The following MRPL42 variants were observed in gnomAD, a reference collection of about 807,000 sequenced individuals.
MRPL42 encodes the protein mitochondrial ribosomal protein L42.
MRPL42 carries 17 observed loss-of-function variants against 17.9 expected under a neutral mutation model. That is an observed-to-expected ratio of 0.95 (90% CI 0.65 to 1.42). MRPL42 has a LOEUF of 1.42. Ranked by LOEUF, MRPL42 falls within the 40% of genes most tolerant of loss-of-function variation. The pLI is 0.00. For synonymous variants in MRPL42, 59 were observed against 54.4 expected (o/e 1.08, Z -0.37); for missense variants, 177 against 175.2 (o/e 1.01, Z -0.06).
intron 2 of MRPL42, among the ~76,000 whole-genome samples, chr12:93,474,124 T>C (rs1398024701): frequency 6.7e-6 from 1 of 150,070 alleles, no homozygotes; most frequent in Non-Finnish European, 1.5e-5. Context: ...GAAATTTTAC[T>C]GAGTTTCTTG....
chr12:93,469,509 T>G (rs771949476), intron 2 of MRPL42, among the ~76,000 whole-genome samples, 154 bp downstream of exon 2: 17 of 152,022 alleles, frequency 1.1e-4, no homozygotes, highest in South Asian at 2.1e-4. Flanking sequence ...AGAAGGGGAA[T>G]GGATAGGTCA....
intron 4 of MRPL42, among the ~76,000 whole-genome samples, chr12:93,485,005 T>TATATACACAC (rs1555201421): frequency 2.0e-5 from 1 of 49,708 alleles, no homozygotes; most frequent in African/African-American, 9.6e-5. Flanking sequence ...TATATATATA[T>TATATACACAC]ATATATATAT....
At chr12:93,469,415 T>TA (rs1471449135) in intron 2 of MRPL42, 60 bp downstream of exon 2, 41 of 1,298,964 alleles carry the variant, frequency 3.2e-5, no homozygotes, top group Non-Finnish European at 4.0e-5. Context: ...TAAGAAAATT[T>TA]AAAGCATTTA....
chr12:93,479,032 A>G (rs1052366230), intron 3 of MRPL42, among the ~76,000 whole-genome samples: 23 of 150,960 alleles, frequency 1.5e-4, no homozygotes, highest in Middle Eastern at 3.4e-3. Context: ...CCTGGGTTCA[A>G]GTGATTCTCC....
chr12:93,509,694 GC>G lies in MRPL42; in HGVS notation c.*8474del, dbSNP rs755224455. 33 of 151,704 alleles carry G rather than the reference GC, an allele frequency of 2.2e-4. No individual in the cohort carries two copies. The highest frequency in any genetic ancestry group is 4.4e-4 in the Non-Finnish European group (30 of 67,986). The allele number at this position is 151,704 out of a possible 1,614,324, so 9.4% of individuals were successfully genotyped here. ...AAGTGGAGCAGGTCAAAACTCCTGT[GC>G]TGATCAGTAGTGGGATCACACCTGT... is the stretch of plus-strand genomic sequence containing the variant. On this transcript the variant is annotated 3_prime_UTR_variant, in exon 6 of 6. Coordinates refer to ENST00000549982, the MANE Select transcript of MRPL42 (RefSeq NM_014050.4).
rs1334962952 is a variant in MRPL42, at chr12:93,502,029, G to C, written c.*808G>C. ...TTACCCAAACAAGTGGGAGAGCCAG[G>C]AGCCAAACTATCAGGCTCCAAAGCT... On this transcript the variant is annotated 3_prime_UTR_variant, in exon 6 of 6. Transcript: ENST00000549982. 6.6e-6 allele frequency: 1 copy of C among 152,152 alleles called. No individual in the cohort carries two copies. The highest frequency in any genetic ancestry group is 1.5e-5 in the Non-Finnish European group (1 of 68,024). The allele number at this position is 152,152 out of a possible 1,614,324, so 9.4% of individuals were successfully genotyped here. A position where few individuals can be genotyped will look rare whatever the true frequency, so the allele number is the denominator to read the frequency against.
Position 93,507,455 on chromosome 12 carries a change from A to G in MRPL42, c.*6234A>G, listed in dbSNP as rs1953682927. The G allele has an allele frequency of 6.6e-6, 1 of 152,234 alleles. No homozygotes were observed. The highest frequency in any genetic ancestry group is 2.1e-4 in the South Asian group (1 of 4,836). The allele number at this position is 152,234 out of a possible 1,614,324, so 9.4% of individuals were successfully genotyped here. ...TTAAGGATTTAATAACTTGCTTATAAGTGTTTAAAATGACTTAATGGGTTC... is the reference window on the plus strand; with the variant it reads ...TTAAGGATTTAATAACTTGCTTATAGGTGTTTAAAATGACTTAATGGGTTC... On this transcript the variant is annotated 3_prime_UTR_variant, in exon 6 of 6. Coordinates refer to ENST00000549982, the MANE Select transcript of MRPL42 (RefSeq NM_014050.4).
chr12:93,468,798 A>G (rs1212109644), intron 1 of MRPL42, among the ~76,000 whole-genome samples: 4 of 152,158 alleles, frequency 2.6e-5, no homozygotes, highest in Non-Finnish European at 5.9e-5. Flanking sequence ...TAGTACTGTA[A>G]ATGATGTAGT....
chr12:93,470,724 T>C, intron 2 of MRPL42: 1 of 274,824 alleles, frequency 3.6e-6, no homozygotes, highest in Non-Finnish European at 6.3e-6. Flanking sequence ...TATTTGGCTG[T>C]TTTTGCATTA....
chr12:93,476,735 C>T (rs756299683), intron 2 of MRPL42, among the ~76,000 whole-genome samples: 5 of 152,164 alleles, frequency 3.3e-5, no homozygotes, highest in Non-Finnish European at 7.3e-5. Context: ...AGTGCTTATC[C>T]TCTATGTTGT....
chr12:93,496,607 T>A, intron 5 of MRPL42, among the ~76,000 whole-genome samples: 1 of 141,420 alleles, frequency 7.1e-6, no homozygotes, highest in Admixed American at 7.4e-5. Context: ...AATAGCTTGA[T>A]GTTGAAATGA....
rs1473802274 is a variant in MRPL42, at chr12:93,490,084, T to C, written c.383+2424T>C. 1.3e-5 allele frequency among the ~76,000 whole-genome samples: 2 copies of C among 152,228 alleles called. 1 individual carries two copies. Among genetic ancestry groups the C allele is most frequent in the Admixed American group, 1.3e-4 (2 of 15,282 alleles). Reference sequence around the variant, plus strand: ...AACCTTGTTTCAACTTCTTCTGTAATGGCTTTCAGTACCTGTTTCTTTCCT... The same window carrying C: ...AACCTTGTTTCAACTTCTTCTGTAACGGCTTTCAGTACCTGTTTCTTTCCT... On this transcript the variant is annotated intron_variant, in intron 5 of 5. Coordinates refer to ENST00000549982, the MANE Select transcript of MRPL42 (RefSeq NM_014050.4).
At position 93,479,456 on chromosome 12, in the gene MRPL42, C is replaced by G; in HGVS notation, c.203C>G (p.Pro68Arg). The change falls in exon 4 of 6, where the codon CCA becomes CGA. Residue 68 changes from proline to arginine, a missense_variant. By Grantham distance (103) the Pro-to-Arg change is moderately radical. Coordinates refer to ENST00000549982, the MANE Select transcript of MRPL42 (RefSeq NM_014050.4). ...IVCYHPSVDIPYEHTKPIPRP... is the reference protein window; with the variant it reads ...IVCYHPSVDIRYEHTKPIPRP... ...TGCTACCACCCTTCTGTGGACATTC[C>G]ATATGAACACACAAAAGTATGTATG... 1 of 1,605,848 alleles carries G rather than the reference C, an allele frequency of 6.2e-7. No homozygotes were observed.
At position 93,505,480 on chromosome 12, in the gene MRPL42, GCTT is replaced by G. The variant is rs1389793484; in HGVS notation, c.*4264_*4266del. The G allele has an allele frequency of 8.7e-6, 1 of 115,286 alleles. No homozygotes were observed. The highest frequency in any genetic ancestry group is 1.9e-5 in the Non-Finnish European group (1 of 52,570). 7.1% of individuals were successfully genotyped at this position (115,286 alleles called of 1,614,324 possible). A position where few individuals can be genotyped will look rare whatever the true frequency, so the allele number is the denominator to read the frequency against. ...TCCTTTGCTTTTAGGCAAAGGGAAT[GCTT>G]CTTCAGATTTTTTTTTTTCCCCAGA... is the stretch of plus-strand genomic sequence containing the variant. On this transcript the variant is annotated 3_prime_UTR_variant, in exon 6 of 6. Transcript: ENST00000549982.
At position 93,501,204 on chromosome 12, in the gene MRPL42, C is replaced by A. The variant is rs763030799; in HGVS notation, c.412C>A (p.Pro138Thr). ...TCACAGATGTCGTAAGAATCTGAAT[C>A]CTCCAAAAGACAGATGATGCGGAGG... ...RYHRCRKNLNPPKDR is the reference protein window; with the variant it reads ...RYHRCRKNLNTPKDR The change falls in exon 6 of 6, where the codon CCT becomes ACT. Residue 138 changes from proline (P) to threonine (T), a missense_variant. Transcript: ENST00000549982. 1 of 1,601,432 alleles carries A rather than the reference C, an allele frequency of 6.2e-7. No individual in the cohort carries two copies.
At chr12:93,499,060 A>G (rs945758886) in intron 5 of MRPL42, among the ~76,000 whole-genome samples, 2 of 32,750 alleles carry the variant, frequency 6.1e-5, no homozygotes, top group Non-Finnish European at 1.4e-4. Flanking sequence ...AAGTGTAACA[A>G]TATAACTTGG....
intron 3 of MRPL42, among the ~76,000 whole-genome samples, chr12:93,477,516 T>C (rs1378985096): frequency 6.6e-6 from 1 of 152,236 alleles, no homozygotes; most frequent in African/African-American, 2.4e-5. Context: ...ATGCAGAAAC[T>C]GCAACCTATT....
intron 3 of MRPL42, among the ~76,000 whole-genome samples, chr12:93,477,520 A>G (rs907848041): frequency 1.3e-5 from 2 of 152,230 alleles, no homozygotes; most frequent in Non-Finnish European, 2.9e-5. Context: ...AGAAACTGCA[A>G]CCTATTTTCT....
intron 4 of MRPL42, among the ~76,000 whole-genome samples, chr12:93,484,223 G>C (rs1880599441): frequency 1.3e-5 from 2 of 152,008 alleles, no homozygotes; most frequent in Admixed American, 1.3e-4. Context: ...CAGTTGCCTA[G>C]TCATTTATTA....
Sources: allele counts gnomAD v4.1 joint callset (sites outside exome capture counted in the v4.1 genomes callset), GRCh38; gene constraint gnomAD v4.1.1; transcripts MANE v1.5; gene names NCBI Gene and HGNC (gene_info 2026-07-23, HGNC 2026-07-21).